GPC6: variants seen among roughly 807,000 people sequenced by gnomAD.
The protein encoded by GPC6 is glypican 6, also known as glypican-6.
A neutral mutation model predicts 55.2 loss-of-function variants in GPC6; 14 were observed. The observed-to-expected ratio is 0.25, with a 90% CI of 0.17 to 0.40. The LOEUF is 0.40. Ranked by LOEUF, GPC6 falls within the 10% of genes least tolerant of loss-of-function variation. The probability of loss-of-function intolerance (pLI) is 1.00; values close to 1 mark genes in which losing one functional copy is unlikely to be tolerated. For missense variants in GPC6, 641 were observed against 708.5 expected (o/e 0.90, Z 1.08); for synonymous variants, 278 against 259.6 (o/e 1.07, Z -0.68).
rs560956972 is a variant in GPC6 at position 93,304,336 on chromosome 13, GA to G, written c.160+76721del. The stretch of plus-strand genomic sequence containing the variant: ...GAGGCATAGTCAGTGCAGCCAGCGC[GA>G]GGTTTTCAAAGAATTGCTGCTGGCT... On this transcript the variant is annotated intron_variant, in intron 1 of 8. Transcript: ENST00000377047. Among the ~76,000 whole-genome samples the G allele has an allele frequency of 7.2e-4, 109 of 152,320 alleles. 1 individual carries two copies. The highest frequency in any genetic ancestry group is 2.5e-3 in the African/African-American group (106 of 41,580).
intron 1 of GPC6, among the ~76,000 whole-genome samples, chr13:93,409,588 C>T (rs1317889768): frequency 5.9e-5 from 9 of 152,284 alleles, no homozygotes; most frequent in Non-Finnish European, 1.2e-4. Context: ...CCTCTTAGCA[C>T]TTGACACCAA....
chr13:93,514,584 T>C (rs1221172882), intron 1 of GPC6, among the ~76,000 whole-genome samples: 1 of 152,224 alleles, frequency 6.6e-6, no homozygotes, highest in Non-Finnish European at 1.5e-5. Context: ...TCATTGGAAC[T>C]ACTCCCACAT....
intron 2 of GPC6, among the ~76,000 whole-genome samples, chr13:93,741,732 C>G (rs752935945): frequency 5.3e-5 from 8 of 152,132 alleles, no homozygotes; most frequent in Non-Finnish European, 1.2e-4. Context: ...TTCCATAAAC[C>G]AGTAAATGCT....
intron 4 of GPC6, among the ~76,000 whole-genome samples, chr13:94,130,726 A>G (rs1886976066): frequency 6.6e-6 from 1 of 152,170 alleles, no homozygotes; most frequent in African/African-American, 2.4e-5. Context: ...GAAAATGACC[A>G]TGAAGTCATT....
At chr13:93,493,876 T>A (rs1195979948) in intron 1 of GPC6, among the ~76,000 whole-genome samples, 1 of 115,556 alleles carries the variant, frequency 8.7e-6, no homozygotes, top group Non-Finnish European at 1.9e-5. Flanking sequence ...GATTGCACTG[T>A]GGTCTGAGAG....
intron 4 of GPC6, among the ~76,000 whole-genome samples, chr13:94,265,337 G>A (rs1891768483): frequency 6.6e-6 from 1 of 152,196 alleles, no homozygotes; most frequent in South Asian, 2.1e-4. Context: ...CAAAGCTGAA[G>A]AACTTGGAGT....
In GPC6 at chr13:94,384,860, C is replaced by G. The variant is rs533060413; in HGVS notation, c.1289+2310C>G. On this transcript the variant is annotated intron_variant, in intron 7 of 8. Coordinates refer to ENST00000377047, the MANE Select transcript of GPC6 (RefSeq NM_005708.5). ...GTTAGGAGAACAAATGAGACAGATC[C>G]TAAGTGCTATAAAAGCTTCAGTGGT... Among the ~76,000 whole-genome samples the G allele has an allele frequency of 4.6e-5, 7 of 152,234 alleles. No individual in the cohort carries two copies. The East Asian group carries it at 1.2e-3, about 25-fold the overall frequency.
intron 1 of GPC6, among the ~76,000 whole-genome samples, chr13:93,336,152 T>A (rs1300217255): frequency 3.3e-5 from 5 of 152,238 alleles, no homozygotes. Context: ...TCAAACTTGT[T>A]CTGCACTTGG....
chr13:94,305,373 A>G (rs543098100), intron 5 of GPC6, among the ~76,000 whole-genome samples: 47 of 152,224 alleles, frequency 3.1e-4, no homozygotes, highest in Non-Finnish European at 5.9e-4. Context: ...TCATAGCACT[A>G]TAACTCAGGC....
chr13:93,993,304 T>G (rs1566638586), intron 3 of GPC6, among the ~76,000 whole-genome samples: 1 of 151,514 alleles, frequency 6.6e-6, no homozygotes, highest in Non-Finnish European at 1.5e-5. Flanking sequence ...TCTTTTTTTT[T>G]TTTTTTGAAA....
At chr13:93,949,713 T>G (rs367566764) in intron 3 of GPC6, among the ~76,000 whole-genome samples, 18 of 152,278 alleles carry the variant, frequency 1.2e-4, no homozygotes, top group African/African-American at 3.9e-4. Flanking sequence ...TTTTCATTAT[T>G]TTTTAAATTT....
intron 2 of GPC6, among the ~76,000 whole-genome samples, chr13:93,546,277 T>G (rs1874783130): frequency 6.6e-6 from 1 of 152,216 alleles, no homozygotes; most frequent in African/African-American, 2.4e-5. Context: ...TGCTATTAAT[T>G]TTCTTCTCTC....
At chr13:94,233,368 T>C (rs1275017814) in intron 4 of GPC6, among the ~76,000 whole-genome samples, 5 of 152,102 alleles carry the variant, frequency 3.3e-5, no homozygotes, top group Non-Finnish European at 5.9e-5. Context: ...CATAAGCAAA[T>C]AGCTCCTAAT....
intron 3 of GPC6, among the ~76,000 whole-genome samples, chr13:93,901,510 T>A (rs1308697044): frequency 6.6e-6 from 1 of 152,224 alleles, no homozygotes; most frequent in Non-Finnish European, 1.5e-5. Flanking sequence ...ATACTGATTT[T>A]GTTCTGAAAC....
intron 1 of GPC6, among the ~76,000 whole-genome samples, chr13:93,374,345 A>G (rs527726929): frequency 1.3e-5 from 2 of 152,290 alleles, no homozygotes; most frequent in Admixed American, 6.5e-5. Context: ...AACATTCTCC[A>G]TGTTCAAACA....
chr13:93,231,320 T>TATATATATACATATATATATATATAC (rs1211050236), intron 1 of GPC6, among the ~76,000 whole-genome samples: 5 of 59,944 alleles, frequency 8.3e-5, no homozygotes, highest in African/African-American at 3.5e-4. Context: ...ATTTCATATA[T>TATATATATACATATATATATATATAC]ATATATATAC....
rs148624304 is a variant in GPC6 at position 93,551,924 on chromosome 13, C to G, written c.319+6503C>G. ...GTGTATAATCATACACACACAAACACTACAACATACACCCCTCTATGATGT... is the reference window on the plus strand; with the variant it reads ...GTGTATAATCATACACACACAAACAGTACAACATACACCCCTCTATGATGT... On this transcript the variant is annotated intron_variant, in intron 2 of 8. Transcript: ENST00000377047. Among the ~76,000 whole-genome samples, 26 of 152,274 alleles carry G rather than the reference C, an allele frequency of 1.7e-4. No homozygotes were observed. The East Asian group carries it at 4.1e-3, about 24-fold the overall frequency.
intron 1 of GPC6, among the ~76,000 whole-genome samples, chr13:93,326,450 G>T (rs1353504787): frequency 6.6e-6 from 1 of 151,832 alleles, no homozygotes; most frequent in Non-Finnish European, 1.5e-5. Context: ...CTACACACAC[G>T]CACACGCACA....
intron 3 of GPC6, among the ~76,000 whole-genome samples, chr13:93,935,828 A>G (rs375177365): frequency 1.3e-5 from 2 of 152,202 alleles, no homozygotes; most frequent in African/African-American, 2.4e-5. Flanking sequence ...TAGTTCTTGG[A>G]CCATCTGCTT....
Sources: gnomAD v4.1 joint callset for allele counts (sites outside exome capture counted in the v4.1 genomes callset) on GRCh38, gnomAD v4.1.1 for gene constraint, MANE v1.5 for transcripts, NCBI Gene and HGNC (gene_info 2026-07-23, HGNC 2026-07-21) for gene names.